Variants in CALN1 observed in about 807,000 individuals in gnomAD.
The protein encoded by CALN1 is calneuron 1, also known as calcium-binding protein 8.
Under a neutral mutation model 30.6 loss-of-function variants are expected in CALN1, and 17 were observed. That is an observed-to-expected ratio of 0.56 (90% CI 0.38 to 0.83). The LOEUF (loss-of-function observed/expected upper bound fraction) is 0.83. Among genes scored for constraint, CALN1 ranks in the 40% least tolerant of loss-of-function variants. The pLI is 0.00. For missense variants in CALN1, 291 were observed against 354.9 expected (o/e 0.82, Z 1.45); for synonymous variants, 156 against 131.4 (o/e 1.19, Z -1.28).
chr7:71,828,708 A>G (rs1434021096), intron 5 of CALN1, among the ~76,000 whole-genome samples: 10 of 140,308 alleles, frequency 7.1e-5, no homozygotes, highest in African/African-American at 2.8e-4. Context: ...ATATACATAT[A>G]TATATGTATA....
At chr7:72,411,720 A>C (rs1008735579) in intron 1 of CALN1, among the ~76,000 whole-genome samples, 3 of 152,250 alleles carry the variant, frequency 2.0e-5, no homozygotes, top group Admixed American at 6.5e-5. Flanking sequence ...AGACACAGCC[A>C]ATCACCAAAT....
chr7:72,293,045 C>T (rs946546754), intron 2 of CALN1, among the ~76,000 whole-genome samples: 11 of 152,006 alleles, frequency 7.2e-5, no homozygotes, highest in African/African-American at 2.7e-4. Flanking sequence ...TGCTTATCTC[C>T]CTGGGCTCTG....
chr7:72,145,320 C>T (rs1786617929), intron 3 of CALN1, among the ~76,000 whole-genome samples: 1 of 152,098 alleles, frequency 6.6e-6, no homozygotes, highest in South Asian at 2.1e-4. Flanking sequence ...ATACAAACTA[C>T]CATCAGAGAA....
intron 2 of CALN1, among the ~76,000 whole-genome samples, chr7:72,291,960 C>T (rs529982715): frequency 6.6e-6 from 1 of 151,442 alleles, no homozygotes; most frequent in East Asian, 1.9e-4. Context: ...CAGATAGGGG[C>T]CACCGCACTT....
chr7:72,273,621 C>A (rs983881613), intron 3 of CALN1, among the ~76,000 whole-genome samples: 1 of 150,904 alleles, frequency 6.6e-6, no homozygotes, highest in Non-Finnish European at 1.5e-5. Context: ...TGGGCTCAGG[C>A]GATCCTCCCA....
rs557435136 is a variant in CALN1, at chr7:72,434,331, C to T, written c.-226+12711G>A. 4.4e-4 allele frequency among the ~76,000 whole-genome samples: 65 copies of T among 148,754 alleles called. No homozygotes were observed. The East Asian group carries it at 8.1e-3, about 18-fold the overall frequency. On this transcript the variant is annotated intron_variant, in intron 1 of 6. Transcript: ENST00000395276. ...CAGCCTGGCCAACATGCTAAAACCCCGTCTCTACTAAAATACCAAAAAAAA... is the reference window on the plus strand; with the variant it reads ...CAGCCTGGCCAACATGCTAAAACCCTGTCTCTACTAAAATACCAAAAAAAA...
At chr7:72,328,339 C>G (rs1801427459) in intron 2 of CALN1, among the ~76,000 whole-genome samples, 1 of 152,254 alleles carries the variant, frequency 6.6e-6, no homozygotes, top group African/African-American at 2.4e-5. Context: ...GTGAATAAGT[C>G]TGATGAGATT....
intron 5 of CALN1, among the ~76,000 whole-genome samples, chr7:71,939,487 T>C (rs4719194): frequency 0.098 from 14,784 of 150,398 alleles, 1,001 homozygotes; most frequent in East Asian, 0.22. Flanking sequence ...GCAGGAGAGT[T>C]ACTTGAACCT....
chr7:72,324,515 C>G (rs1801124766), intron 2 of CALN1, among the ~76,000 whole-genome samples: 1 of 151,660 alleles, frequency 6.6e-6, no homozygotes, highest in African/African-American at 2.4e-5. Flanking sequence ...AGCTCATTTT[C>G]AGCTCTGGCT....
Position 72,106,284 on chromosome 7 carries a change from C to T in CALN1, c.255G>A (p.Glu85=). ...CATCCCGGTCCAGAACCCGAAAGGCCTCTCGGATTTCTACAATGGAAAAGC... is the reference window on the plus strand; with the variant it reads ...CATCCCGGTCCAGAACCCGAAAGGCTTCTCGGATTTCTACAATGGAAAAGC... The part of the protein sequence containing the change: ...ISVEELDEIR[E]AFRVLDRDGN... Residue 85 remains glutamate (E), a synonymous_variant, in exon 4 of 7, where the codon GAG becomes GAA. Transcript: ENST00000395275. The T allele has an allele frequency of 6.2e-7, 1 of 1,614,024 alleles. No homozygotes were observed. Among genetic ancestry groups the T allele is most frequent in the Non-Finnish European group, 8.5e-7 (1 of 1,180,018 alleles).
chr7:72,294,741 C>G (rs919486919), intron 2 of CALN1, among the ~76,000 whole-genome samples: 10 of 95,456 alleles, frequency 1.0e-4, no homozygotes, highest in Non-Finnish European at 1.7e-4. Context: ...AAGACTGTCT[C>G]TAAAAAAGTA....
At chr7:71,953,245 A>G (rs1315516347) in intron 5 of CALN1, among the ~76,000 whole-genome samples, 1 of 152,118 alleles carries the variant, frequency 6.6e-6, no homozygotes, top group Non-Finnish European at 1.5e-5. Flanking sequence ...GGCATGAGCC[A>G]CCACAGCTGC....
chr7:72,135,899 G>A (rs1205329282), intron 3 of CALN1, among the ~76,000 whole-genome samples: 3 of 152,076 alleles, frequency 2.0e-5, no homozygotes, highest in East Asian at 3.9e-4. Context: ...TTGGGAGGCC[G>A]AGGTGGGTGG....
At chr7:72,217,150 C>T (rs986861030) in intron 3 of CALN1, among the ~76,000 whole-genome samples, 5 of 152,076 alleles carry the variant, frequency 3.3e-5, no homozygotes, top group African/African-American at 1.2e-4. Context: ...CCCCACGGAC[C>T]AAGGTGCAGG....
intron 4 of CALN1, among the ~76,000 whole-genome samples, chr7:72,095,099 T>C (rs1395418639): frequency 6.6e-6 from 1 of 152,158 alleles, no homozygotes; most frequent in Non-Finnish European, 1.5e-5. Context: ...AAAAGCTATC[T>C]GGTTAAGATC....
At chr7:72,298,934 C>T (rs189750237) in intron 2 of CALN1, among the ~76,000 whole-genome samples, 163 of 152,240 alleles carry the variant, frequency 1.1e-3, no homozygotes, top group African/African-American at 3.8e-3. Context: ...CCTCCCCAGC[C>T]ATGTAGAACT....
intron 3 of CALN1, among the ~76,000 whole-genome samples, chr7:72,150,892 T>G (rs1020123486): frequency 1.3e-5 from 2 of 151,932 alleles, no homozygotes; most frequent in East Asian, 3.9e-4. Context: ...ATGATGATGA[T>G]GATGATGATG....
At chr7:71,802,796 G>T (rs1226516884) in intron 6 of CALN1, among the ~76,000 whole-genome samples, 1 of 152,188 alleles carries the variant, frequency 6.6e-6, no homozygotes, top group Admixed American at 6.5e-5. Context: ...GCCGAGGATG[G>T]GGAATCACTT....
chr7:71,881,672 C>T (rs1231512353), intron 5 of CALN1, among the ~76,000 whole-genome samples: 3 of 152,142 alleles, frequency 2.0e-5, no homozygotes, highest in Admixed American at 6.6e-5. Flanking sequence ...CTCTGCAAGG[C>T]TATCCCGGGC....
Sources: allele counts gnomAD v4.1 joint callset (sites outside exome capture counted in the v4.1 genomes callset), GRCh38; gene constraint gnomAD v4.1.1; transcripts MANE v1.5; gene names NCBI Gene and HGNC (gene_info 2026-07-23, HGNC 2026-07-21).